Variants in AK8 observed in about 807,000 individuals in gnomAD.
The protein encoded by AK8 is ATP-AMP transphosphorylase 8.
A neutral mutation model predicts 54.6 loss-of-function variants in AK8; 44 were observed. The ratio of observed to expected loss-of-function variants is 0.81; its 90% CI spans 0.63 to 1.04. AK8 has a LOEUF of 1.04. Among genes scored for constraint, AK8 ranks in the 50% least tolerant of loss-of-function variants. AK8 has a pLI of 0.00. For missense variants in AK8, 555 were observed against 613.6 expected, an observed-to-expected ratio of 0.90 and a Z score of 1.01; for synonymous variants, 239 against 245.6, an observed-to-expected ratio of 0.97 and a Z score of 0.25.
chr9:132,805,017 G>A (rs906433735), intron 10 of AK8, among the ~76,000 whole-genome samples: 3 of 152,174 alleles, frequency 2.0e-5, no homozygotes, highest in Non-Finnish European at 2.9e-5. Context: ...GGGTCTGTGA[G>A]GGGCAGGAGC....
chr9:132,738,912 C>A (rs1347398473), intron 11 of AK8, among the ~76,000 whole-genome samples: 1 of 151,654 alleles, frequency 6.6e-6, no homozygotes, highest in Admixed American at 6.6e-5. Context: ...GTGTACCACA[C>A]CCAGCTAATT....
rs75583909 is a variant in AK8 at position 132,780,045 on chromosome 9, T to C, written c.1121+12589A>G. 4.8e-3 allele frequency among the ~76,000 whole-genome samples: 732 copies of C among 152,178 alleles called. 5 individuals carry two copies. The highest frequency in any genetic ancestry group is 0.017 in the African/African-American group (703 of 41,500). ...ATTATTACTCTTGTTGTCAAGATAA[T>C]GCTGATTATGAAGGAGGAGGGGGCA... is the stretch of plus-strand genomic sequence containing the variant. On this transcript the variant is annotated intron_variant, in intron 11 of 12. Transcript: ENST00000298545.
At chr9:132,836,465 G>C (rs1253992933) in intron 5 of AK8, among the ~76,000 whole-genome samples, 1 of 152,184 alleles carries the variant, frequency 6.6e-6, no homozygotes, top group Non-Finnish European at 1.5e-5. Context: ...TGTTTAAAAA[G>C]GCAAATCTCT....
intron 10 of AK8, among the ~76,000 whole-genome samples, chr9:132,807,358 T>C (rs1373419902): frequency 6.6e-6 from 1 of 152,238 alleles, no homozygotes; most frequent in Non-Finnish European, 1.5e-5. Context: ...GGCGGGCTCC[T>C]GACCATGCAG....
intron 1 of AK8, chr9:132,877,941 C>T: frequency 9.3e-7 from 1 of 1,072,884 alleles, no homozygotes; most frequent in Non-Finnish European, 1.4e-6. Context: ...CTCGAGTGGC[C>T]CCCTTCCTCC....
In AK8 at chr9:132,783,260, A is replaced by C. The variant is rs147233193; in HGVS notation, c.1121+9374T>G. ...AAGATGGTGGGAGGGGTTGTGAGCC[A>C]AGGAATGTGGAAGCCTCTAGAAGGT... On this transcript the variant is annotated intron_variant, in intron 11 of 12. Coordinates refer to ENST00000298545, the MANE Select transcript of AK8 (RefSeq NM_152572.3). Among the ~76,000 whole-genome samples, 415 of 151,780 alleles carry C rather than the reference A, an allele frequency of 2.7e-3. 2 individuals carry two copies. Among genetic ancestry groups the C allele is most frequent in the Non-Finnish European group, 4.2e-3 (283 of 68,024 alleles).
At chr9:132,749,535 T>G (rs1225304520) in intron 11 of AK8, among the ~76,000 whole-genome samples, 1 of 151,870 alleles carries the variant, frequency 6.6e-6, no homozygotes, top group Non-Finnish European at 1.5e-5. Flanking sequence ...GGTGTAACTG[T>G]CACCCCCATC....
intron 5 of AK8, among the ~76,000 whole-genome samples, chr9:132,836,037 C>T (rs370876039): frequency 3.9e-5 from 6 of 152,264 alleles, no homozygotes; most frequent in Middle Eastern, 6.8e-3. Context: ...GCAGGAGAAT[C>T]GCTTGCACCT....
chr9:132,868,708 C>T (rs956765937), intron 2 of AK8, among the ~76,000 whole-genome samples: 4 of 152,320 alleles, frequency 2.6e-5, no homozygotes, highest in Admixed American at 6.5e-5. Flanking sequence ...ACCCCCATGG[C>T]GGCCAGAACT....
intron 10 of AK8, among the ~76,000 whole-genome samples, chr9:132,800,081 G>A (rs1280096766): frequency 1.3e-5 from 2 of 152,204 alleles, no homozygotes; most frequent in Non-Finnish European, 2.9e-5. Flanking sequence ...CCCGCCAGGG[G>A]CTCTACTCTA....
intron 11 of AK8, among the ~76,000 whole-genome samples, chr9:132,733,372 C>A (rs748706795): frequency 6.6e-6 from 1 of 152,208 alleles, no homozygotes. Context: ...ACGGCTGTCA[C>A]GGCGGCTGGC....
At chr9:132,752,231 T>C (rs532779619) in intron 11 of AK8, among the ~76,000 whole-genome samples, 1 of 151,820 alleles carries the variant, frequency 6.6e-6, no homozygotes, top group African/African-American at 2.4e-5. Context: ...GAAATATTTT[T>C]ACTTAGCTAC....
chr9:132,818,896 T>C (rs1056667219), intron 9 of AK8, among the ~76,000 whole-genome samples: 6 of 150,238 alleles, frequency 4.0e-5, no homozygotes, highest in East Asian at 1.9e-4. Flanking sequence ...ACAAGACACA[T>C]AGTTAGACTA....
chr9:132,826,359 G>A lies in AK8; in HGVS notation c.757+495C>T, dbSNP rs529284105. On this transcript the variant is annotated intron_variant, in intron 8 of 12. Transcript: ENST00000298545. The surrounding 1 kb of genome is among the most constrained non-coding windows in gnomAD (Gnocchi z 4.5). ...GCTGCTGTGAACATTGGCCATTGCT[G>A]TGGACAGCAACGCAGTGCCAGGCGC... Among the ~76,000 whole-genome samples the A allele has an allele frequency of 4.6e-5, 7 of 152,362 alleles. No homozygotes were observed. The highest frequency in any genetic ancestry group is 3.3e-4 in the Admixed American group (5 of 15,306).
intron 2 of AK8, among the ~76,000 whole-genome samples, chr9:132,873,812 C>T (rs2131448314): frequency 6.6e-6 from 1 of 152,286 alleles, no homozygotes; most frequent in Middle Eastern, 3.4e-3. Context: ...AGGTCTGCAG[C>T]AGTAAGGACC....
intron 11 of AK8, among the ~76,000 whole-genome samples, chr9:132,745,977 G>A (rs947801550): frequency 6.6e-6 from 1 of 152,192 alleles, no homozygotes; most frequent in African/African-American, 2.4e-5. Flanking sequence ...GAGAGAGGAT[G>A]CTTCCAGAAT....
intron 11 of AK8, among the ~76,000 whole-genome samples, chr9:132,787,902 T>G (rs1417024802): frequency 3.3e-5 from 5 of 152,020 alleles, no homozygotes; most frequent in Non-Finnish European, 5.9e-5. Context: ...ACTCAGGAAG[T>G]AGAGACTCCA....
chr9:132,730,110 G>A (rs1171584986), intron 11 of AK8, among the ~76,000 whole-genome samples: 1 of 152,322 alleles, frequency 6.6e-6, no homozygotes, highest in South Asian at 2.1e-4. Context: ...AGGGGCCTAT[G>A]GGTGCCAAGC....
chr9:132,810,179 A>G (rs1029890348), intron 10 of AK8, among the ~76,000 whole-genome samples: 4 of 152,200 alleles, frequency 2.6e-5, no homozygotes, highest in African/African-American at 9.7e-5. Flanking sequence ...CGTTAGGGAG[A>G]TATGATATTG....
Sources: allele counts gnomAD v4.1 joint callset (sites outside exome capture counted in the v4.1 genomes callset), GRCh38; gene constraint gnomAD v4.1.1; non-coding constraint Gnocchi (gnomAD v3.1); transcripts MANE v1.5; gene names NCBI Gene and HGNC (gene_info 2026-07-23, HGNC 2026-07-21).